CENPI: variants seen among roughly 807,000 people sequenced by gnomAD.
CENPI encodes FSH primary response 1.
Under a neutral mutation model 60.4 loss-of-function variants are expected in CENPI, and 4 were observed. That is an observed-to-expected ratio of 0.07 (90% CI 0.03 to 0.15). The LOEUF (loss-of-function observed/expected upper bound fraction) is 0.15. Ranked by LOEUF, CENPI falls within the 10% of genes least tolerant of loss-of-function variation. The pLI is 1.00. For synonymous variants in CENPI, 157 were observed against 189.4 expected (o/e 0.83, Z 1.40); for missense variants, 444 against 534.5 (o/e 0.83, Z 1.67).
At chrX:101,133,342 A>G (rs980933456) in intron 15 of CENPI, among the ~76,000 whole-genome samples, 2 of 93,328 alleles carry the variant, frequency 2.1e-5, no homozygotes, top group Non-Finnish European at 4.2e-5. Flanking sequence ...TTTTTTTGCA[A>G]TTCTGTCTCA....
intron 6 of CENPI, among the ~76,000 whole-genome samples, chrX:101,111,331 A>C (rs2089551279): frequency 9.0e-6 from 1 of 110,876 alleles, no homozygotes; most frequent in East Asian, 2.8e-4. Context: ...GGGCTTCCTG[A>C]GACCCTTTCA....
intron 20 of CENPI, among the ~76,000 whole-genome samples, chrX:101,153,473 G>A (rs1206923971): frequency 9.1e-6 from 1 of 109,713 alleles, no homozygotes; most frequent in Non-Finnish European, 1.9e-5. Context: ...GTTTTTTGTA[G>A]ACAGGGTTTC....
At chrX:101,167,572 C>T (rs1288937229), downstream of CENPI, among the ~76,000 whole-genome samples, 1 of 111,702 alleles carries the variant, frequency 9.0e-6, no homozygotes, top group Non-Finnish European at 1.9e-5. Flanking sequence ...CCACTTTCTG[C>T]GTAATCAATT....
chrX:101,124,716 A>G (rs1195749903), intron 8 of CENPI, among the ~76,000 whole-genome samples: 2 of 111,458 alleles, frequency 1.8e-5, no homozygotes, highest in Non-Finnish European at 3.8e-5. Flanking sequence ...ATGGTTTTAT[A>G]AGGGGCTTCC....
At position 101,164,008 on chromosome X, in the gene CENPI, G is replaced by A. The variant is rs1312064518; in HGVS notation, c.*1041G>A. On this transcript the variant is annotated 3_prime_UTR_variant, in exon 22 of 22. Transcript: ENST00000682095. Reference sequence around the variant, plus strand: ...CAAGATCGCGCCACTGCACTCCAGCGAGACTCTGTCTCAAAAAAAAAAAAA... The same window carrying A: ...CAAGATCGCGCCACTGCACTCCAGCAAGACTCTGTCTCAAAAAAAAAAAAA... 2.4e-5 allele frequency among the ~76,000 whole-genome samples: 2 copies of A among 84,190 alleles called. No homozygotes were observed. The highest frequency in any genetic ancestry group is 4.7e-5 in the African/African-American group (1 of 21,499). The allele number at this position is 84,190 out of a possible 115,157, so 73.1% of individuals were successfully genotyped here. A position where few individuals can be genotyped will look rare whatever the true frequency, so the allele number is the denominator to read the frequency against.
At chrX:101,114,030 G>A (rs1460191551) in intron 6 of CENPI, among the ~76,000 whole-genome samples, 1 of 111,956 alleles carries the variant, frequency 8.9e-6, no homozygotes, top group African/African-American at 3.3e-5. Flanking sequence ...GCCGAGGGGG[G>A]CAGATCACCT....
intron 4 of CENPI, among the ~76,000 whole-genome samples, chrX:101,103,702 G>C (rs2089449933): frequency 8.9e-6 from 1 of 111,916 alleles, no homozygotes; most frequent in African/African-American, 3.2e-5. Flanking sequence ...TATGTTTACT[G>C]TTCTCTTCAT....
intron 10 of CENPI, 54 bp from the exon 11 acceptor site, chrX:101,127,444 G>C: frequency 9.8e-7 from 1 of 1,016,042 alleles, no homozygotes; most frequent in Non-Finnish European, 1.3e-6. Context: ...TTTTATATTT[G>C]TGGTTTGTAG....
chrX:101,125,305 A>G (rs965485278), intron 8 of CENPI, among the ~76,000 whole-genome samples: 7 of 111,632 alleles, frequency 6.3e-5, no homozygotes, highest in Admixed American at 4.8e-4. Context: ...TCTTCATTCT[A>G]GGTTCCAAAA....
At chrX:101,108,646 T>C (rs1432907324) in intron 4 of CENPI, among the ~76,000 whole-genome samples, 1 of 86,128 alleles carries the variant, frequency 1.2e-5, no homozygotes, top group Non-Finnish European at 2.4e-5. Context: ...ATTTGCCTTA[T>C]AGTTTTTTTT....
intron 8 of CENPI, among the ~76,000 whole-genome samples, chrX:101,125,951 T>G (rs1178523489): frequency 8.9e-6 from 1 of 111,946 alleles, no homozygotes; most frequent in Non-Finnish European, 1.9e-5. Context: ...GTACAGAGGT[T>G]AGGAGATATT....
chrX:101,122,649 G>A (rs765854263), intron 8 of CENPI, among the ~76,000 whole-genome samples: 2 of 110,720 alleles, frequency 1.8e-5, no homozygotes, highest in East Asian at 5.7e-4. Context: ...AGGCCGAGGC[G>A]GGCAGATCAC....
Position 101,116,472 on chromosome X carries a change from C to T in CENPI, c.592-3930C>T, listed in dbSNP as rs781091991. Among the ~76,000 whole-genome samples the T allele has an allele frequency of 8.1e-5, 9 of 111,341 alleles. No homozygotes were observed. In the South Asian group the frequency reaches 3.4e-3, roughly 42 times the overall value. On this transcript the variant is annotated intron_variant, in intron 6 of 21. Coordinates refer to ENST00000682095, the MANE Select transcript of CENPI (RefSeq NM_001386188.2). ...TACTACACAATTTTATATAAGGAAC[C>T]TGAGAATCCGCAGAGTTTGATATGG... is the stretch of plus-strand genomic sequence containing the variant.
chrX:101,178,160 A>G, the CENPI span, among the ~76,000 whole-genome samples: 1 of 111,014 alleles, frequency 9.0e-6, no homozygotes, highest in Admixed American at 9.5e-5. Context: ...GCTTCCCTGG[A>G]GCCTCTCCAG....
intron 8 of CENPI, among the ~76,000 whole-genome samples, chrX:101,123,510 C>G (rs896926366): frequency 2.7e-5 from 3 of 111,560 alleles, no homozygotes; most frequent in African/African-American, 9.8e-5. Flanking sequence ...TTTTCTGTTT[C>G]AAGCTTTGTC....
chrX:101,114,689 G>A (rs1464608252), intron 6 of CENPI, among the ~76,000 whole-genome samples: 2 of 111,976 alleles, frequency 1.8e-5, no homozygotes, highest in South Asian at 7.5e-4. Flanking sequence ...GCCCAGGCTG[G>A]AGTGCAGTGG....
Position 101,146,446 on chromosome X carries a change from G to A in CENPI, c.1826+169G>A, listed in dbSNP as rs149015180. On this transcript the variant is annotated intron_variant, in intron 18 of 21. Coordinates refer to ENST00000682095, the MANE Select transcript of CENPI (RefSeq NM_001386188.2). ...TCCGATATGGGGCCATGGTAGCTGT[G>A]TTTTTTAAATCCTCCACTGCTGTGG... Among the ~76,000 whole-genome samples the A allele has an allele frequency of 7.1e-3, 794 of 111,348 alleles. 7 individuals carry two copies. The highest frequency in any genetic ancestry group is 0.025 in the African/African-American group (769 of 30,638).
At chrX:101,144,327 A>C (rs1425241589) in intron 16 of CENPI, among the ~76,000 whole-genome samples, 4 of 105,338 alleles carry the variant, frequency 3.8e-5, no homozygotes, top group Non-Finnish European at 7.8e-5. Context: ...AAGTGATCCG[A>C]CTGCCTTGGC....
chrX:101,178,273 A>G, the CENPI span, among the ~76,000 whole-genome samples: 1 of 110,222 alleles, frequency 9.1e-6, no homozygotes, highest in African/African-American at 3.3e-5. Context: ...CTGTTAAATG[A>G]TCCGTTTGAA....
Sources: allele counts gnomAD v4.1 joint callset (sites outside exome capture counted in the v4.1 genomes callset), GRCh38; gene constraint gnomAD v4.1.1; transcripts MANE v1.5; gene names NCBI Gene and HGNC (gene_info 2026-07-23, HGNC 2026-07-21).